Variants in ZNF133 observed in about 807,000 individuals in gnomAD.
ZNF133 encodes the protein zinc finger protein 133.
A neutral mutation model predicts 54.9 loss-of-function variants in ZNF133; 26 were observed. The observed-to-expected ratio is 0.47, with a 90% CI of 0.35 to 0.66. The LOEUF is 0.66. Among genes scored for constraint, ZNF133 ranks in the 30% least tolerant of loss-of-function variants. The pLI, the probability that ZNF133 is intolerant of heterozygous loss-of-function variation, is 0.01. For synonymous variants in ZNF133, 298 were observed against 320.3 expected, an observed-to-expected ratio of 0.93 and a Z score of 0.74; for missense variants, 653 against 820.8, an observed-to-expected ratio of 0.80 and a Z score of 2.50.
chr20:18,307,653 T>C (rs1333780838), intron 6 of ZNF133, among the ~76,000 whole-genome samples: 1 of 152,220 alleles, frequency 6.6e-6, no homozygotes, highest in East Asian at 1.9e-4. Flanking sequence ...GTCCTTTTTA[T>C]ATAATCCCAC....
chr20:18,316,967 A>C lies in ZNF133; in HGVS notation c.*151A>C. 9.9e-7 allele frequency: 1 copy of C among 1,006,240 alleles called. No individual in the cohort carries two copies. The highest frequency in any genetic ancestry group is 1.7e-5 in the South Asian group (1 of 57,414). 62.3% of individuals were successfully genotyped at this position (1,006,240 alleles called of 1,614,324 possible). On this transcript the variant is annotated 3_prime_UTR_variant, in exon 7 of 7. Transcript: ENST00000425686. ...TCCATGTTTTGTGGCCTTCGGTTGT[A>C]ATAAACTTGGCTTCTTTATACATCT...
At chr20:18,310,664 A>G (rs1235549156) in intron 6 of ZNF133, among the ~76,000 whole-genome samples, 1 of 152,184 alleles carries the variant, frequency 6.6e-6, no homozygotes, top group Non-Finnish European at 1.5e-5. Context: ...TTTCACATAG[A>G]AAGAATAAGT....
chr20:18,306,249 G>A (rs2044559988), intron 5 of ZNF133, 49 bp from the exon 6 acceptor site: 1 of 1,552,096 alleles, frequency 6.4e-7, no homozygotes, highest in Non-Finnish European at 8.8e-7. Flanking sequence ...TTCTTGAATG[G>A]GCTCTTGAGC....
intron 6 of ZNF133, among the ~76,000 whole-genome samples, chr20:18,311,644 A>T (rs1470533620): frequency 6.6e-6 from 1 of 152,234 alleles, no homozygotes; most frequent in Non-Finnish European, 1.5e-5. Flanking sequence ...AAGTAAAATT[A>T]TTGCATGAGA....
At chr20:18,310,182 CT>C in intron 6 of ZNF133, 1 of 1,370,096 alleles carries the variant, frequency 7.3e-7, no homozygotes, top group Non-Finnish European at 9.4e-7. Flanking sequence ...AACAGCAGCT[CT>C]TACAATGATG....
intron 1 of ZNF133, among the ~76,000 whole-genome samples, chr20:18,295,777 C>G (rs1030929552): frequency 1.3e-5 from 2 of 152,162 alleles, no homozygotes; most frequent in African/African-American, 4.8e-5. Context: ...CCTCCTCAGC[C>G]TCCTGAGTAG....
Position 18,315,761 on chromosome 20 carries a change from G to T in ZNF133, c.910G>T (p.Gly304Trp). The T allele has an allele frequency of 6.2e-7, 1 of 1,614,198 alleles. No homozygotes were observed. The highest frequency in any genetic ancestry group is 1.1e-5 in the South Asian group (1 of 91,086). The change falls in exon 7 of 7, where the codon GGG becomes TGG. Residue 304 changes from glycine (G) to tryptophan (W), a missense_variant. Coordinates refer to ENST00000425686, the MANE Select transcript of ZNF133 (RefSeq NM_001352452.2). The stretch of plus-strand genomic sequence containing the variant: ...GAAACCTTACATGTGCAGTGAGTGT[G>T]GGCGAGGCTTCAGCCAGAAGTCAAA... Reference protein sequence around the residue: ...GEKPYMCSECGRGFSQKSNLI... With the variant: ...GEKPYMCSECWRGFSQKSNLI...
At chr20:18,312,173 T>A (rs927128118) in intron 6 of ZNF133, among the ~76,000 whole-genome samples, 1 of 152,218 alleles carries the variant, frequency 6.6e-6, no homozygotes, top group African/African-American at 2.4e-5. Context: ...GGATGCTGAA[T>A]AAACTGAATT....
chr20:18,293,334 G>C (rs576518394), intron 1 of ZNF133, among the ~76,000 whole-genome samples: 1 of 152,334 alleles, frequency 6.6e-6, no homozygotes, highest in Admixed American at 6.5e-5. Flanking sequence ...ATTTTCGTGG[G>C]TTCCATCACA....
rs867947423 is a variant in ZNF133 at position 18,309,319 on chromosome 20, C to T, written c.217+2926C>T. On this transcript the variant is annotated intron_variant, in intron 6 of 6. Coordinates refer to ENST00000425686, the MANE Select transcript of ZNF133 (RefSeq NM_001352452.2). Reference sequence around the variant, plus strand: ...CATAGTGATTTCATAGACTCTCCGCCGAATATATAGTTCCATAAAAGGTCA... The same window carrying T: ...CATAGTGATTTCATAGACTCTCCGCTGAATATATAGTTCCATAAAAGGTCA... Among the ~76,000 whole-genome samples, 7 of 152,238 alleles carry T rather than the reference C, an allele frequency of 4.6e-5. No homozygotes were observed. In the South Asian group the frequency reaches 8.3e-4, roughly 18 times the overall value.
In ZNF133 at chr20:18,298,211, T is replaced by G. The variant is rs1308232159; in HGVS notation, c.-353-78T>G. On this transcript the variant is annotated intron_variant, in intron 2 of 6. Coordinates refer to ENST00000425686, the MANE Select transcript of ZNF133 (RefSeq NM_001352452.2). Reference sequence around the variant, plus strand: ...TCAGCATCACTTTCTGCAAAACCCATGACACAGTTATTCACCTAGTAAACT... The same window carrying G: ...TCAGCATCACTTTCTGCAAAACCCAGGACACAGTTATTCACCTAGTAAACT... The G allele has an allele frequency of 1.4e-5, 21 of 1,499,750 alleles. No individual in the cohort carries two copies. In the Middle Eastern group the frequency reaches 7.1e-4, roughly 51 times the overall value. 92.9% of individuals were successfully genotyped at this position (1,499,750 alleles called of 1,614,324 possible).
rs1457975802 is a variant in ZNF133, at chr20:18,315,896, T to C, written c.1045T>C (p.Leu349=). Residue 349 remains leucine (L), a synonymous_variant, in exon 7 of 7, where the codon TTG becomes CTG. Transcript: ENST00000425686. ...TGTCGTGAGACACCAGAGGACACAC[T>C]TGGAGGAGAAGACCATCGTGTGCAG... ...SAVVRHQRTH[L]EEKTIVCSDC... is the part of the protein sequence containing the mutation. 1.9e-6 allele frequency: 3 copies of C among 1,613,552 alleles called. No individual in the cohort carries two copies. The highest frequency in any genetic ancestry group is 1.7e-5 in the Admixed American group (1 of 59,984).
intron 6 of ZNF133, 149 bp from the exon 7 acceptor site, chr20:18,314,920 A>G (rs11699055): frequency 0.096 from 62,569 of 651,526 alleles, 3,469 homozygotes; most frequent in Middle Eastern, 0.16. Flanking sequence ...AATAAGTAGC[A>G]GTAGGCTGGA....
At chr20:18,293,576 A>G (rs1243872893) in intron 1 of ZNF133, among the ~76,000 whole-genome samples, 2 of 152,242 alleles carry the variant, frequency 1.3e-5, no homozygotes, top group Non-Finnish European at 2.9e-5. Flanking sequence ...AGAGCTCCCA[A>G]TGTTTAAAGC....
chr20:18,299,509 CAG>C (rs1320986311), intron 3 of ZNF133, among the ~76,000 whole-genome samples: 1 of 152,074 alleles, frequency 6.6e-6, no homozygotes, highest in African/African-American at 2.4e-5. Context: ...AAAAAAGGGA[CAG>C]AGAGATTGTT....
At chr20:18,311,256 G>T (rs2045870498) in intron 6 of ZNF133, among the ~76,000 whole-genome samples, 1 of 152,142 alleles carries the variant, frequency 6.6e-6, no homozygotes, top group African/African-American at 2.4e-5. Context: ...AGGAATTTGG[G>T]CTACGTGATC....
chr20:18,299,012 C>T (rs954335053), intron 3 of ZNF133, among the ~76,000 whole-genome samples: 1 of 151,980 alleles, frequency 6.6e-6, no homozygotes, highest in Non-Finnish European at 1.5e-5. Flanking sequence ...AGAGTTGCTG[C>T]TTTATAAGAT....
At chr20:18,304,579 T>C (rs2044176575) in intron 3 of ZNF133, among the ~76,000 whole-genome samples, 1 of 152,222 alleles carries the variant, frequency 6.6e-6, no homozygotes, top group South Asian at 2.1e-4. Flanking sequence ...TCTGAGTGCA[T>C]GCTTCTACAT....
intron 6 of ZNF133, chr20:18,313,880 T>G (rs897455036): frequency 2.6e-5 from 4 of 152,342 alleles, no homozygotes; most frequent in African/African-American, 9.6e-5. Flanking sequence ...TCCTCAGCAC[T>G]GGCGTGGGGA....
Sources: gnomAD v4.1 joint callset for allele counts (sites outside exome capture counted in the v4.1 genomes callset) on GRCh38, gnomAD v4.1.1 for gene constraint, MANE v1.5 for transcripts, NCBI Gene and HGNC (gene_info 2026-07-23, HGNC 2026-07-21) for gene names.